Variants in UNC5D observed in about 807,000 individuals in gnomAD.
UNC5D encodes netrin receptor UNC5D.
Under a neutral mutation model 105.4 loss-of-function variants are expected in UNC5D, and 39 were observed. The ratio of observed to expected loss-of-function variants is 0.37; its 90% CI spans 0.29 to 0.48. The LOEUF (loss-of-function observed/expected upper bound fraction) is 0.48. UNC5D is among the 20% of genes least tolerant of loss of function. The pLI is 0.98. For synonymous variants in UNC5D, 452 were observed against 450.4 expected (o/e 1.00, Z -0.04); for missense variants, 991 against 1,202.4 (o/e 0.82, Z 2.60).
chr8:35,741,748 G>C (rs1829774951), intron 11 of UNC5D, among the ~76,000 whole-genome samples: 1 of 152,084 alleles, frequency 6.6e-6, no homozygotes, highest in Admixed American at 6.6e-5. Flanking sequence ...GAGCACCAAG[G>C]CCCCAGTGCA....
intron 8 of UNC5D, among the ~76,000 whole-genome samples, chr8:35,720,351 C>T (rs927860725): frequency 2.6e-5 from 4 of 152,170 alleles, no homozygotes; most frequent in African/African-American, 9.7e-5. Flanking sequence ...TCTGTATGTG[C>T]TCATTTGCTG....
chr8:35,789,163 A>G (rs1451052786), intron 16 of UNC5D, among the ~76,000 whole-genome samples: 5 of 94,248 alleles, frequency 5.3e-5, no homozygotes, highest in African/African-American at 2.2e-4. Context: ...ATATATATAT[A>G]TATATATATA....
Position 35,726,413 on chromosome 8 carries a change from A to C in UNC5D, c.1565A>C (p.His522Pro), listed in dbSNP as rs532018529. ...AACAACCACAGCTTTAGTACAATGC[A>C]TCCCAGAAATAAAATGCCCTACATC... ...HGNNHSFSTM[H>P]PRNKMPYIQN... Residue 522 changes from histidine to proline, a missense_variant, in exon 10 of 17, where the codon CAT becomes CCT. By Grantham distance (77) the His-to-Pro change is moderately conservative (BLOSUM62 -2). Around this residue, in one of 3 missense-constraint regions of UNC5D, gnomAD observed 944 missense variants for 1,131.6 expected, o/e 0.83. Transcript: ENST00000404895. 63 of 1,614,196 alleles carry C rather than the reference A, an allele frequency of 3.9e-5. 1 individual carries two copies. In the East Asian group the frequency reaches 1.0e-3, roughly 26 times the overall value.
In UNC5D at chr8:35,601,731, C is replaced by G. The variant is rs1317445562; in HGVS notation, c.570+6074C>G. Among the ~76,000 whole-genome samples the G allele has an allele frequency of 2.0e-5, 3 of 152,196 alleles. No homozygotes were observed. The East Asian group carries it at 5.8e-4, about 29-fold the overall frequency. On this transcript the variant is annotated intron_variant, in intron 4 of 16. Transcript: ENST00000404895. ...CGATGGGATTTTCTAAATATACAGT[C>G]ATGTCATCTGCAAACAGGGACAATT...
intron 8 of UNC5D, among the ~76,000 whole-genome samples, chr8:35,715,554 G>A (rs368622306): frequency 6.6e-6 from 1 of 152,176 alleles, no homozygotes; most frequent in Non-Finnish European, 1.5e-5. Context: ...GTTAAAAAAT[G>A]CTTGAAGTTC....
chr8:35,328,716 T>G (rs1050690796), intron 1 of UNC5D, among the ~76,000 whole-genome samples: 2 of 152,120 alleles, frequency 1.3e-5, no homozygotes, highest in African/African-American at 4.8e-5. Context: ...CTTAATAAAG[T>G]TAGATTGGCC....
intron 8 of UNC5D, among the ~76,000 whole-genome samples, chr8:35,715,286 A>G (rs912752487): frequency 1.4e-4 from 21 of 152,318 alleles, no homozygotes; most frequent in Non-Finnish European, 2.6e-4. Flanking sequence ...AGAGAAAGGA[A>G]AAGAAAAACA....
intron 10 of UNC5D, among the ~76,000 whole-genome samples, chr8:35,729,708 A>G (rs1829085792): frequency 6.6e-6 from 1 of 152,192 alleles, no homozygotes; most frequent in African/African-American, 2.4e-5. Context: ...TTAAGGAAGA[A>G]TAGACAAGGG....
In UNC5D at chr8:35,748,698, G is replaced by A. The variant is rs1347583923; in HGVS notation, c.1935+3G>A. 3 of 1,612,022 alleles carry A rather than the reference G, an allele frequency of 1.9e-6. No homozygotes were observed. ...GGACACAGCAGGGCAAATGGGAGGT[G>A]AGACCCTTTACTTCCTTTTTTAAAC... On this transcript the variant is annotated splice_donor_region_variant and intron_variant, in intron 12 of 16. Transcript: ENST00000404895.
intron 13 of UNC5D, among the ~76,000 whole-genome samples, chr8:35,755,432 C>A (rs1317339640): frequency 6.6e-6 from 1 of 151,776 alleles, no homozygotes; most frequent in Non-Finnish European, 1.5e-5. Context: ...ATATTGTTCA[C>A]GTAAAGCATT....
At chr8:35,790,019 C>T (rs1209310283) in intron 16 of UNC5D, among the ~76,000 whole-genome samples, 2 of 151,960 alleles carry the variant, frequency 1.3e-5, no homozygotes, top group Non-Finnish European at 2.9e-5. Flanking sequence ...GAGGCTGAGG[C>T]AAGAGGATCA....
intron 1 of UNC5D, among the ~76,000 whole-genome samples, chr8:35,368,077 C>T (rs959766100): frequency 1.3e-5 from 2 of 152,108 alleles, no homozygotes; most frequent in African/African-American, 4.8e-5. Flanking sequence ...AAATTATGTC[C>T]ACTAAGTGAC....
At chr8:35,593,927 G>A (rs1819333979) in intron 3 of UNC5D, among the ~76,000 whole-genome samples, 1 of 152,208 alleles carries the variant, frequency 6.6e-6, no homozygotes, top group Non-Finnish European at 1.5e-5. Context: ...TTGTGAGACA[G>A]CAGAGGAGAA....
At chr8:35,436,918 G>T in intron 1 of UNC5D, among the ~76,000 whole-genome samples, 1 of 152,002 alleles carries the variant, frequency 6.6e-6, no homozygotes, top group East Asian at 1.9e-4. Context: ...GAAGTACCTA[G>T]AAACTTTTAA....
chr8:35,554,867 A>G (rs1816425109), intron 2 of UNC5D, among the ~76,000 whole-genome samples: 1 of 152,200 alleles, frequency 6.6e-6, no homozygotes, highest in Non-Finnish European at 1.5e-5. Context: ...ATTTCATTTC[A>G]GGGACCTCAT....
chr8:35,289,108 CA>C (rs1259322478), intron 1 of UNC5D, among the ~76,000 whole-genome samples: 11 of 152,186 alleles, frequency 7.2e-5, no homozygotes, highest in African/African-American at 2.6e-4. Flanking sequence ...ATCCTACCTA[CA>C]AGAGCCTCAC....
At chr8:35,412,613 CT>C (rs1805249836) in intron 1 of UNC5D, among the ~76,000 whole-genome samples, 1 of 152,100 alleles carries the variant, frequency 6.6e-6, no homozygotes, top group African/African-American at 2.4e-5. Context: ...GTCATCTTCC[CT>C]TTAGAAATGG....
intron 1 of UNC5D, among the ~76,000 whole-genome samples, chr8:35,461,337 A>G (rs1409343312): frequency 2.0e-5 from 3 of 152,134 alleles, no homozygotes; most frequent in Non-Finnish European, 4.4e-5. Context: ...ACGTGTCTAC[A>G]TTGCTTATGT....
chr8:35,264,111 TA>T (rs1804669541), intron 1 of UNC5D, among the ~76,000 whole-genome samples: 1 of 152,238 alleles, frequency 6.6e-6, no homozygotes, highest in Non-Finnish European at 1.5e-5. Context: ...ATTTGTAAGA[TA>T]AAGTAGCATT....
Sources: allele counts gnomAD v4.1 joint callset (sites outside exome capture counted in the v4.1 genomes callset), GRCh38; gene constraint gnomAD v4.1.1; regional missense constraint gnomAD v4.1.1; transcripts MANE v1.5; gene names NCBI Gene and HGNC (gene_info 2026-07-23, HGNC 2026-07-21).